Variants in RHOU observed in about 807,000 individuals in gnomAD.
The protein encoded by RHOU is rho-related GTP-binding protein RhoU.
In RHOU, 8 loss-of-function variants were observed where a neutral mutation model predicts 12.6. The ratio of observed to expected loss-of-function variants is 0.64; its 90% CI spans 0.37 to 1.15. The LOEUF (loss-of-function observed/expected upper bound fraction) is 1.15, where lower values mean the gene tolerates loss of function less well. Among genes scored for constraint, RHOU ranks in the 50% most tolerant of loss-of-function variants. The pLI is 0.01. For missense variants in RHOU, 258 were observed against 347.0 expected (o/e 0.74, Z 2.04); for synonymous variants, 161 against 147.4 (o/e 1.09, Z -0.67).
At chr1:228,671,218 T>A in the RHOU span, among the ~76,000 whole-genome samples, 11 of 152,078 alleles carry the variant, frequency 7.2e-5, no homozygotes, top group Non-Finnish European at 1.5e-4. Context: ...TTGGCAAGGC[T>A]GGTCTCAAAC....
the RHOU span, chr1:228,687,410 A>G: frequency 7.0e-6 from 8 of 1,148,782 alleles, no homozygotes; most frequent in East Asian, 1.4e-4. Flanking sequence ...CCCAACATGC[A>G]TGCACTGCCT....
the RHOU span, among the ~76,000 whole-genome samples, chr1:228,688,203 C>T: frequency 3.9e-5 from 6 of 152,138 alleles, no homozygotes; most frequent in African/African-American, 1.4e-4. Flanking sequence ...TAGCTGGAAC[C>T]AACCCTAACC....
At chr1:228,654,925 C>A in the RHOU span, among the ~76,000 whole-genome samples, 2 of 152,062 alleles carry the variant, frequency 1.3e-5, no homozygotes, top group African/African-American at 4.8e-5. Context: ...TGTACCTGAA[C>A]AATTTTTCTG....
At chr1:228,721,191 A>T in the RHOU span, among the ~76,000 whole-genome samples, 1 of 152,078 alleles carries the variant, frequency 6.6e-6, no homozygotes, top group Non-Finnish European at 1.5e-5. Flanking sequence ...AATCCCAGCC[A>T]CTCGGGAGGC....
the RHOU span, among the ~76,000 whole-genome samples, chr1:228,719,181 T>A: frequency 6.6e-6 from 1 of 152,260 alleles, no homozygotes. Flanking sequence ...TCTATATTCC[T>A]GTATCATTTT....
At chr1:228,707,101 CATACAT>C in the RHOU span, among the ~76,000 whole-genome samples, 1 of 79,550 alleles carries the variant, frequency 1.3e-5, no homozygotes, top group Non-Finnish European at 2.1e-5. Context: ...GACATATATA[CATACAT>C]ATATATATAT....
the RHOU span, among the ~76,000 whole-genome samples, chr1:228,710,757 G>A: frequency 2.6e-5 from 4 of 151,654 alleles, no homozygotes; most frequent in African/African-American, 9.7e-5. Context: ...GCACAAGACA[G>A]GGATGCCCTC....
the RHOU span, among the ~76,000 whole-genome samples, chr1:228,694,410 G>T: frequency 1.3e-5 from 2 of 152,236 alleles, no homozygotes; most frequent in Admixed American, 6.5e-5. Context: ...GTGGTTTGCT[G>T]CACAGGTCAT....
the RHOU span, among the ~76,000 whole-genome samples, chr1:228,655,688 A>G: frequency 6.6e-6 from 1 of 152,266 alleles, no homozygotes; most frequent in Non-Finnish European, 1.5e-5. Context: ...AGCTCAGGAC[A>G]GGTACATCTC....
chr1:228,656,672 G>A, the RHOU span, among the ~76,000 whole-genome samples: 6 of 152,074 alleles, frequency 3.9e-5, no homozygotes, highest in East Asian at 7.7e-4. Context: ...ACCACAAAAA[G>A]TAGCTATAGA....
chr1:228,654,114 A>ATTTTT, the RHOU span, among the ~76,000 whole-genome samples: 3 of 146,560 alleles, frequency 2.0e-5, no homozygotes, highest in Non-Finnish European at 4.5e-5. Context: ...AAACTAGCTG[A>ATTTTT]TTTTTTTTTT....
chr1:228,676,139 C>CT, the RHOU span, among the ~76,000 whole-genome samples: 623 of 151,006 alleles, frequency 4.1e-3, 6 homozygotes, highest in African/African-American at 0.015. Context: ...CCGCCCCCCC[C>CT]CTTTTTTTTT....
the RHOU span, among the ~76,000 whole-genome samples, chr1:228,664,777 G>A: frequency 6.6e-6 from 1 of 152,122 alleles, no homozygotes; most frequent in Non-Finnish European, 1.5e-5. Context: ...GGGTTTACAG[G>A]CGCCTGCCAC....
the RHOU span, among the ~76,000 whole-genome samples, chr1:228,657,220 T>A: frequency 0.2 from 26,433 of 129,716 alleles, 2,616 homozygotes; most frequent in Middle Eastern, 0.41. Context: ...GAGGTTGCAG[T>A]GAGCCGAGAT....
chr1:228,674,111 G>A, the RHOU span, among the ~76,000 whole-genome samples: 1 of 152,156 alleles, frequency 6.6e-6, no homozygotes, highest in Non-Finnish European at 1.5e-5. Flanking sequence ...GCATTAATTT[G>A]ATAACAATTG....
chr1:228,716,747 C>CATATATATACATATAT, the RHOU span, among the ~76,000 whole-genome samples: 4 of 151,356 alleles, frequency 2.6e-5, 1 homozygote, highest in East Asian at 3.9e-4. Context: ...TATACACACA[C>CATATATATACATATAT]ATGTGTGTGT....
the RHOU span, among the ~76,000 whole-genome samples, chr1:228,668,354 G>A: frequency 2.6e-5 from 4 of 152,186 alleles, no homozygotes; most frequent in Admixed American, 1.3e-4. Flanking sequence ...AGAGGGTTGT[G>A]GAAATCCCCA....
At chr1:228,684,894 A>G in the RHOU span, among the ~76,000 whole-genome samples, 1 of 152,154 alleles carries the variant, frequency 6.6e-6, no homozygotes, top group Admixed American at 6.5e-5. Flanking sequence ...AGAATTCAGG[A>G]CGAGTTTGTA....
At chr1:228,675,211 T>G in the RHOU span, among the ~76,000 whole-genome samples, 1 of 152,214 alleles carries the variant, frequency 6.6e-6, no homozygotes, top group Non-Finnish European at 1.5e-5. Context: ...GGTTCTGCAG[T>G]GTCTCCTATC....
Sources: allele counts gnomAD v4.1 joint callset (sites outside exome capture counted in the v4.1 genomes callset), GRCh38; gene constraint gnomAD v4.1.1; transcripts MANE v1.5; gene names NCBI Gene and HGNC (gene_info 2026-07-23, HGNC 2026-07-21).